RSU1: variants seen among roughly 807,000 people sequenced by gnomAD.
RSU1 encodes the protein rsu-1.
Under a neutral mutation model 31.1 loss-of-function variants are expected in RSU1, and 26 were observed. That is an observed-to-expected ratio of 0.84 (90% CI 0.61 to 1.16). RSU1 has a LOEUF of 1.16. RSU1 is among the 50% of genes most tolerant of loss of function. The pLI, the probability that RSU1 is intolerant of heterozygous loss-of-function variation, is 0.00. For synonymous variants in RSU1, 164 were observed against 136.3 expected, an observed-to-expected ratio of 1.20 and a Z score of -1.41; for missense variants, 320 against 339.1, an observed-to-expected ratio of 0.94 and a Z score of 0.44.
chr10:16,617,220 G>A (rs1833993010), intron 8 of RSU1, among the ~76,000 whole-genome samples: 1 of 152,180 alleles, frequency 6.6e-6, no homozygotes, highest in African/African-American at 2.4e-5. Flanking sequence ...AATCATGAGT[G>A]AGCTCCCATT....
chr10:16,674,744 T>C (rs1410086532), intron 8 of RSU1, among the ~76,000 whole-genome samples: 1 of 152,022 alleles, frequency 6.6e-6, no homozygotes, highest in Non-Finnish European at 1.5e-5. Context: ...ATTTAGAAAC[T>C]GAATATAAGT....
At chr10:16,661,287 C>CGTGTGTGTGT (rs56675037) in intron 8 of RSU1, among the ~76,000 whole-genome samples, 1,549 of 132,868 alleles carry the variant, frequency 0.012, 18 homozygotes, top group Admixed American at 0.019. Context: ...GTAGAGAGTG[C>CGTGTGTGTGT]GTGTGTGTGT....
intron 8 of RSU1, among the ~76,000 whole-genome samples, chr10:16,605,763 C>T (rs1363557012): frequency 6.6e-6 from 1 of 152,172 alleles, no homozygotes; most frequent in Non-Finnish European, 1.5e-5. Flanking sequence ...GTTCCTCCAA[C>T]AACTTCTTAT....
intron 8 of RSU1, among the ~76,000 whole-genome samples, chr10:16,675,977 C>A (rs893543590): frequency 4.6e-5 from 7 of 152,126 alleles, no homozygotes; most frequent in African/African-American, 1.4e-4. Flanking sequence ...GAAGGGATCA[C>A]GCAGAAAGCT....
At chr10:16,669,898 T>C (rs1835075517) in intron 8 of RSU1, among the ~76,000 whole-genome samples, 1 of 152,234 alleles carries the variant, frequency 6.6e-6, no homozygotes, top group South Asian at 2.1e-4. Context: ...TATTCATACT[T>C]ACATGCCCAA....
chr10:16,631,423 T>C (rs1392311902), intron 8 of RSU1, among the ~76,000 whole-genome samples: 1 of 152,176 alleles, frequency 6.6e-6, no homozygotes, highest in Non-Finnish European at 1.5e-5. Flanking sequence ...GAACCTCGGC[T>C]GTGTGTTTCC....
chr10:16,781,286 G>C (rs1484418946), intron 3 of RSU1, among the ~76,000 whole-genome samples: 1 of 152,142 alleles, frequency 6.6e-6, no homozygotes, highest in Non-Finnish European at 1.5e-5. Flanking sequence ...ACACAAGATA[G>C]TCATATAAAA....
intron 3 of RSU1, among the ~76,000 whole-genome samples, chr10:16,779,491 A>G (rs1226189183): frequency 1.3e-5 from 2 of 152,208 alleles, no homozygotes; most frequent in African/African-American, 4.8e-5. Context: ...CAGTGTCCCC[A>G]AATCAATGTC....
intron 7 of RSU1, among the ~76,000 whole-genome samples, chr10:16,703,812 T>C (rs12249154): frequency 0.014 from 2,093 of 152,262 alleles, 47 homozygotes; most frequent in African/African-American, 0.048. Context: ...GAGAAAAGAC[T>C]GGAAAAAAAT....
rs375769723 is a variant in RSU1, at chr10:16,759,636, C to T, written c.282-4647G>A. Among the ~76,000 whole-genome samples the T allele has an allele frequency of 2.6e-4, 39 of 152,264 alleles. No individual in the cohort carries two copies. In the East Asian group the frequency reaches 5.4e-3, roughly 21 times the overall value. ...AACGTTATTCCCGAACAGTTGGGCACGGTGGTCCTGCAGTGAAGTTACCCT... is the reference window on the plus strand; with the variant it reads ...AACGTTATTCCCGAACAGTTGGGCATGGTGGTCCTGCAGTGAAGTTACCCT... On this transcript the variant is annotated intron_variant, in intron 4 of 8. Transcript: ENST00000345264.
chr10:16,613,197 C>A (rs560770929), intron 8 of RSU1, among the ~76,000 whole-genome samples: 104 of 152,328 alleles, frequency 6.8e-4, no homozygotes, highest in African/African-American at 2.5e-3. Context: ...TGAGGCAAAG[C>A]TGGAACTCTT....
rs1340831961 is a variant in RSU1 at position 16,609,343 on chromosome 10, C to T, written c.732-15847G>A. 3.3e-5 allele frequency among the ~76,000 whole-genome samples: 5 copies of T among 152,170 alleles called. No homozygotes were observed. The South Asian group carries it at 8.3e-4, about 25-fold the overall frequency. On this transcript the variant is annotated intron_variant, in intron 8 of 8. Transcript: ENST00000345264. ...GCTGCTTCATGCCCCCAACAGGCCCCGTAGGCTGCAAGCAAAACTGTGGCT... is the reference window on the plus strand; with the variant it reads ...GCTGCTTCATGCCCCCAACAGGCCCTGTAGGCTGCAAGCAAAACTGTGGCT...
intron 8 of RSU1, among the ~76,000 whole-genome samples, chr10:16,686,650 G>A (rs1252480105): frequency 1.3e-5 from 2 of 152,032 alleles, no homozygotes; most frequent in African/African-American, 4.8e-5. Flanking sequence ...AGCTGTATAA[G>A]GCATGCCAAA....
intron 8 of RSU1, among the ~76,000 whole-genome samples, chr10:16,624,218 G>T (rs529187102): frequency 1.9e-4 from 29 of 151,860 alleles, no homozygotes; most frequent in African/African-American, 7.0e-4. Flanking sequence ...GTGTGTGTGT[G>T]TCTGTAAGTG....
At chr10:16,740,181 C>T (rs1836722381) in intron 7 of RSU1, among the ~76,000 whole-genome samples, 1 of 151,992 alleles carries the variant, frequency 6.6e-6, no homozygotes, top group Non-Finnish European at 1.5e-5. Flanking sequence ...ACTAATATCC[C>T]TCATGAACGT....
chr10:16,730,464 G>A (rs866647757), intron 7 of RSU1, among the ~76,000 whole-genome samples: 4 of 152,106 alleles, frequency 2.6e-5, no homozygotes, highest in South Asian at 2.1e-4. Flanking sequence ...CTTGGACAAC[G>A]GTCTGCCAAC....
chr10:16,776,927 T>A (rs1187844935), intron 3 of RSU1, among the ~76,000 whole-genome samples: 4 of 148,420 alleles, frequency 2.7e-5, no homozygotes. Context: ...TTTTTTTTAA[T>A]TTTTTTTTTG....
At chr10:16,655,586 T>A (rs1834763109) in intron 8 of RSU1, among the ~76,000 whole-genome samples, 1 of 152,224 alleles carries the variant, frequency 6.6e-6, no homozygotes, top group Admixed American at 6.5e-5. Context: ...TATTATATAA[T>A]TCATATTCAT....
At chr10:16,602,650 A>G (rs1299351409) in intron 8 of RSU1, among the ~76,000 whole-genome samples, 2 of 152,192 alleles carry the variant, frequency 1.3e-5, no homozygotes, top group African/African-American at 2.4e-5. Flanking sequence ...GAGAGGTGCA[A>G]TATGCTGTTC....
Sources: gnomAD v4.1 joint callset for allele counts (sites outside exome capture counted in the v4.1 genomes callset) on GRCh38, gnomAD v4.1.1 for gene constraint, MANE v1.5 for transcripts, NCBI Gene and HGNC (gene_info 2026-07-23, HGNC 2026-07-21) for gene names.